Variants in CRYL1 observed in about 807,000 individuals in gnomAD.
The protein encoded by CRYL1 is lambda-crystallin homolog.
In CRYL1, 29 loss-of-function variants were observed where a neutral mutation model predicts 36.6. That is an observed-to-expected ratio of 0.79 (90% confidence interval 0.59 to 1.08). The LOEUF (loss-of-function observed/expected upper bound fraction) is 1.08, where lower values mean the gene tolerates loss of function less well. CRYL1 is among the 50% of genes least tolerant of loss of function. The pLI is 0.00. For missense variants in CRYL1, 411 were observed against 407.9 expected (o/e 1.01, Z -0.06); for synonymous variants, 152 against 151.5 (o/e 1.00, Z -0.02).
At chr13:20,464,790 C>T (rs564040140) in intron 3 of CRYL1, among the ~76,000 whole-genome samples, 26 of 152,312 alleles carry the variant, frequency 1.7e-4, no homozygotes, top group African/African-American at 5.8e-4. Flanking sequence ...GTGCATTCAT[C>T]GCAGGTAGAT....
intron 3 of CRYL1, among the ~76,000 whole-genome samples, chr13:20,446,106 A>AT (rs1332541399): frequency 6.6e-6 from 1 of 151,922 alleles, no homozygotes; most frequent in Non-Finnish European, 1.5e-5. Flanking sequence ...TTTTTTAATT[A>AT]TTTATTTTTT....
chr13:20,458,372 A>G (rs907680147), intron 3 of CRYL1, among the ~76,000 whole-genome samples: 5 of 152,322 alleles, frequency 3.3e-5, no homozygotes, highest in African/African-American at 1.2e-4. Context: ...TCCCACCCCA[A>G]GAAGAATTAA....
At chr13:20,463,710 AC>A (rs2032877178) in intron 3 of CRYL1, among the ~76,000 whole-genome samples, 1 of 152,336 alleles carries the variant, frequency 6.6e-6, no homozygotes, top group South Asian at 2.1e-4. Flanking sequence ...TTCACATTCA[AC>A]AGATTGGAAA....
intron 3 of CRYL1, among the ~76,000 whole-genome samples, chr13:20,469,546 A>C (rs138243339): frequency 2.4e-4 from 37 of 152,344 alleles, no homozygotes; most frequent in African/African-American, 6.5e-4. Flanking sequence ...GAAAGGCCAG[A>C]GGCTGGGAGG....
chr13:20,480,935 C>T (rs1361170691), intron 3 of CRYL1, among the ~76,000 whole-genome samples: 1 of 152,118 alleles, frequency 6.6e-6, no homozygotes, highest in Non-Finnish European at 1.5e-5. Context: ...GAATGTATAA[C>T]ATTTTTCATT....
At chr13:20,464,761 T>C (rs1182001112) in intron 3 of CRYL1, among the ~76,000 whole-genome samples, 13 of 152,362 alleles carry the variant, frequency 8.5e-5, no homozygotes, top group Admixed American at 7.8e-4. Context: ...ACTTTGTTCA[T>C]TGCATCTGCC....
intron 3 of CRYL1, among the ~76,000 whole-genome samples, chr13:20,442,907 A>G (rs1195187083): frequency 6.6e-6 from 1 of 152,170 alleles, no homozygotes; most frequent in Non-Finnish European, 1.5e-5. Flanking sequence ...AAAGCACAAT[A>G]CAACTTCCTA....
intron 1 of CRYL1, among the ~76,000 whole-genome samples, chr13:20,516,298 T>C (rs2033997663): frequency 6.6e-6 from 1 of 151,852 alleles, no homozygotes; most frequent in Non-Finnish European, 1.5e-5. Flanking sequence ...GAACACTAAC[T>C]TACCCTGCAA....
At chr13:20,417,119 T>C (rs1017636078) in intron 5 of CRYL1, among the ~76,000 whole-genome samples, 1 of 152,288 alleles carries the variant, frequency 6.6e-6, no homozygotes. Flanking sequence ...GCTCCACAAC[T>C]AGGATATCAT....
chr13:20,406,924 C>G (rs1207076645), intron 6 of CRYL1, among the ~76,000 whole-genome samples: 1 of 151,744 alleles, frequency 6.6e-6, no homozygotes, highest in Non-Finnish European at 1.5e-5. Context: ...GCAGCACTTG[C>G]TCTCTGGAAC....
At chr13:20,408,551 G>T (rs552128614) in intron 6 of CRYL1, among the ~76,000 whole-genome samples, 35 of 152,216 alleles carry the variant, frequency 2.3e-4, no homozygotes, top group African/African-American at 8.2e-4. Flanking sequence ...AAACCCGGCT[G>T]GGAAACTCTA....
At chr13:20,417,796 T>C (rs1013320376) in intron 5 of CRYL1, among the ~76,000 whole-genome samples, 2 of 152,132 alleles carry the variant, frequency 1.3e-5, no homozygotes, top group South Asian at 4.1e-4. Flanking sequence ...CCACAAGACA[T>C]CCGTGAAGTA....
At position 20,413,335 on chromosome 13, in the gene CRYL1, C is replaced by T. The variant is rs1206460554; in HGVS notation, c.686G>A (p.Gly229Asp). Reference protein sequence around the residue: ...DLDLVMSEGLGMRYAFIGPLE... With the variant: ...DLDLVMSEGLDMRYAFIGPLE... The stretch of plus-strand genomic sequence containing the variant: ...GGGTCCAATGAATGCATACCGCATG[C>T]CCAACCCTTCTGACATGACAAGGTC... The change falls in exon 6 of 8, where the codon GGC becomes GAC. Residue 229 changes from glycine (G) to aspartate (D), a missense_variant. Physicochemically the swap from Gly to Asp is moderately conservative, Grantham distance 94. Coordinates refer to ENST00000298248, the MANE Select transcript of CRYL1 (RefSeq NM_015974.3). 6.2e-7 allele frequency: 1 copy of T among 1,613,836 alleles called. No homozygotes were observed. Among genetic ancestry groups the T allele is most frequent in the Non-Finnish European group, 8.5e-7 (1 of 1,179,888 alleles).
intron 3 of CRYL1, among the ~76,000 whole-genome samples, chr13:20,457,674 A>G (rs1387385660): frequency 1.3e-5 from 2 of 152,192 alleles, no homozygotes; most frequent in Non-Finnish European, 2.9e-5. Context: ...CTTACTAAAC[A>G]TATAAACCTG....
rs114256106 is a variant in CRYL1, at chr13:20,415,044, G to T, written c.634-1657C>A. On this transcript the variant is annotated intron_variant, in intron 5 of 7. Transcript: ENST00000298248. This position sits in a 1 kb window ranked among gnomAD's most constrained non-coding sequence, Gnocchi z 4.1. ...AGAGCCCGACCGTGGACGATGCGTC[G>T]CGCCCTTCCCATCGCGGCCTGGGCG... Among the ~76,000 whole-genome samples the T allele has an allele frequency of 2.2e-3, 337 of 152,124 alleles. 1 individual carries two copies. The highest frequency in any genetic ancestry group is 7.1e-3 in the African/African-American group (295 of 41,516).
At chr13:20,490,912 G>A (rs981690647) in intron 2 of CRYL1, among the ~76,000 whole-genome samples, 1 of 152,028 alleles carries the variant, frequency 6.6e-6, no homozygotes, top group Admixed American at 6.6e-5. Context: ...TTTTTGCTTT[G>A]TTTTGTTTTT....
chr13:20,433,189 C>A (rs895486947), intron 4 of CRYL1, among the ~76,000 whole-genome samples: 1 of 152,210 alleles, frequency 6.6e-6, no homozygotes, highest in Non-Finnish European at 1.5e-5. Context: ...CACAGGAAGG[C>A]ATTGTCCAGG....
At chr13:20,407,244 ACTG>A (rs2031401074) in intron 6 of CRYL1, among the ~76,000 whole-genome samples, 4 of 151,806 alleles carry the variant, frequency 2.6e-5, no homozygotes, top group African/African-American at 9.7e-5. Flanking sequence ...GAAGAGCCTC[ACTG>A]TCTGTGATGA....
chr13:20,487,922 T>C (rs1047027802), intron 3 of CRYL1, among the ~76,000 whole-genome samples: 23 of 152,120 alleles, frequency 1.5e-4, no homozygotes, highest in African/African-American at 4.3e-4. Context: ...GCTAACATGG[T>C]GAAACCCTGT....
Sources: gnomAD v4.1 joint callset for allele counts (sites outside exome capture counted in the v4.1 genomes callset) on GRCh38, gnomAD v4.1.1 for gene constraint, Gnocchi (gnomAD v3.1) non-coding constraint, MANE v1.5 for transcripts, NCBI Gene and HGNC (gene_info 2026-07-23, HGNC 2026-07-21) for gene names.